Variants in SLC27A5 observed in about 807,000 individuals in gnomAD.
SLC27A5 encodes the protein solute carrier family 27 member 5, also known as long-chain fatty acid transport protein 5.
A neutral mutation model predicts 63.1 loss-of-function variants in SLC27A5; 47 were observed. The observed-to-expected ratio is 0.74, with a 90% CI of 0.59 to 0.95. SLC27A5 has a LOEUF of 0.95. Ranked by LOEUF, SLC27A5 falls within the 40% of genes least tolerant of loss-of-function variation. The probability of loss-of-function intolerance (pLI) is 0.00; values close to 1 mark genes in which losing one functional copy is unlikely to be tolerated. For missense variants in SLC27A5, 940 were observed against 921.0 expected (o/e 1.02, Z -0.27); for synonymous variants, 391 against 403.8 (o/e 0.97, Z 0.38).
rs773365993 is a variant in SLC27A5, at chr19:58,498,473, G to A, written c.*42C>T. The A allele has an allele frequency of 6.4e-7, 1 of 1,564,328 alleles. No homozygotes were observed. Among genetic ancestry groups the A allele is most frequent in the Admixed American group, 1.8e-5 (1 of 56,804 alleles). On this transcript the variant is annotated 3_prime_UTR_variant, in exon 10 of 10. Transcript: ENST00000263093. ...GGACACCGAGTGTGTTGGGGTGGGG[G>A]TGGCTGGCTTTGATCCCTACCCCAG...
intron 3 of SLC27A5, among the ~76,000 whole-genome samples, chr19:58,506,094 CTT>C (rs879519627): frequency 1.0e-4 from 14 of 139,944 alleles, no homozygotes; most frequent in East Asian, 2.1e-4. Context: ...CCATGCCTGG[CTT>C]TTTTTTTTTT....
At chr19:58,508,555 CA>C (rs1456647971) in intron 3 of SLC27A5, 1,772 of 76,986 alleles carry the variant, frequency 0.023, 19 homozygotes, top group African/African-American at 0.066. Context: ...GACTCCATCT[CA>C]AAAAAAAAAA....
intron 2 of SLC27A5, 94 bp downstream of exon 2, chr19:58,510,627 G>T: frequency 9.1e-7 from 1 of 1,096,974 alleles, no homozygotes; most frequent in Non-Finnish European, 1.3e-6. Context: ...GGGTAAAGTG[G>T]TTTCAGAGGT....
Position 58,498,568 on chromosome 19 carries a change from G to A in SLC27A5, c.2020C>T (p.Pro674Ser). Residue 674 changes from proline (P) to serine (S), a missense_variant, in exon 10 of 10, where the codon CCC becomes TCC. Transcript: ENST00000263093. Reference protein sequence around the residue: ...VLDNRAQSFRPLTAEMYQAVC... With the variant: ...VLDNRAQSFRSLTAEMYQAVC... ...GCCTGGTACATTTCTGCCGTCAGGG[G>A]CCGGAAGGACTGGGCCCGGTTGTCC... 1.2e-6 allele frequency: 2 copies of A among 1,614,068 alleles called. No individual in the cohort carries two copies. The highest frequency in any genetic ancestry group is 1.7e-6 in the Non-Finnish European group (2 of 1,180,000).
rs2053411408 is a variant in SLC27A5 at position 58,511,519 on chromosome 19, C to G, written c.437G>C (p.Gly146Ala). 6.4e-7 allele frequency: 1 copy of G among 1,569,866 alleles called. No individual in the cohort carries two copies. Among genetic ancestry groups the G allele is most frequent in the African/African-American group, 1.4e-5 (1 of 74,012 alleles). Reference sequence around the variant, plus strand: ...CTGGCAGGCCCGGGCATCCAGCTCACCAAAGGTGACTGAGCCGGCCCCAGG... The same window carrying G: ...CTGGCAGGCCCGGGCATCCAGCTCAGCAAAGGTGACTGAGCCGGCCCCAGG... ...TGPGAGSVTF[G>A]ELDARACQAA... Residue 146 changes from glycine to alanine, a missense_variant, in exon 1 of 10, where the codon GGT (glycine) becomes GCT (alanine). Gly to Ala is a moderately conservative substitution (Grantham distance 60, BLOSUM62 0). Transcript: ENST00000263093.
At chr19:58,509,762 TG>T in intron 3 of SLC27A5, 84 bp downstream of exon 3, 1 of 1,276,894 alleles carries the variant, frequency 7.8e-7, no homozygotes, top group Non-Finnish European at 1.1e-6. Flanking sequence ...GGGTAACCTA[TG>T]GTGTCTTTTT....
intron 3 of SLC27A5, among the ~76,000 whole-genome samples, chr19:58,502,900 C>G (rs1307800625): frequency 6.6e-6 from 1 of 152,004 alleles, no homozygotes; most frequent in Non-Finnish European, 1.5e-5. Flanking sequence ...CATGCAGAGG[C>G]AGGGGGGTAG....
intron 8 of SLC27A5, 31 bp downstream of exon 8, chr19:58,499,092 G>T: frequency 6.2e-7 from 1 of 1,612,160 alleles, no homozygotes; most frequent in Non-Finnish European, 8.5e-7. Context: ...CCACAAAGCT[G>T]TTGGAAGTTT....
Position 58,499,172 on chromosome 19 carries a change from C to T in SLC27A5, c.1716G>A (p.Ser572=), listed in dbSNP as rs752914079. 4 of 1,614,030 alleles carry T rather than the reference C, an allele frequency of 2.5e-6. No homozygotes were observed. The South Asian group carries it at 4.4e-5, about 18-fold the overall frequency. ...TAACCTGTTGCAAGAAGTCCACCTG[C>T]GACAACACGCCCTCCACCTCGTGCG... ...VSTHEVEGVL[S]QVDFLQQVNV... Residue 572 remains serine, a synonymous_variant, in exon 8 of 10, where the codon TCG becomes TCA. Coordinates refer to ENST00000263093, the MANE Select transcript of SLC27A5 (RefSeq NM_012254.3).
intron 3 of SLC27A5, among the ~76,000 whole-genome samples, chr19:58,503,384 G>A (rs1020800745): frequency 6.6e-6 from 1 of 152,116 alleles, no homozygotes; most frequent in African/African-American, 2.4e-5. Flanking sequence ...AGGGGGCTGG[G>A]CGTGGTGGCT....
At chr19:58,502,553 G>A (rs56207681) in intron 3 of SLC27A5, among the ~76,000 whole-genome samples, 62 of 47,892 alleles carry the variant, frequency 1.3e-3, no homozygotes, top group African/African-American at 1.3e-3. Context: ...GTGAGTGAGT[G>A]GATGGATGGG....
chr19:58,511,639 C>A lies in SLC27A5; in HGVS notation c.317G>T (p.Gly106Val), dbSNP rs776561667. 6.2e-7 allele frequency: 1 copy of A among 1,600,942 alleles called. No individual in the cohort carries two copies. Among genetic ancestry groups the A allele is most frequent in the Admixed American group, 1.7e-5 (1 of 58,910 alleles). ...GTCAGGCGGCTGCCGGCTCAAGCAT[C>A]CCCTGATCTTCAGGCCCAGGTGGAG... ...KILHLGLKIR[G>V]CLSRQPPDTF... Residue 106 changes from glycine (G) to valine (V), a missense_variant, in exon 1 of 10, where the codon GGA becomes GTA. Transcript: ENST00000263093.
intron 7 of SLC27A5, 66 bp from the exon 8 acceptor site, chr19:58,499,286 C>A (rs767303637): frequency 2.0e-6 from 3 of 1,506,270 alleles, no homozygotes; most frequent in Admixed American, 1.9e-5. Flanking sequence ...CTCTTGCCCC[C>A]GCCCCGCCCC....
In SLC27A5 at chr19:58,500,372, C is replaced by T. The variant is rs183486700; in HGVS notation, c.1435G>A (p.Asp479Asn). The T allele has an allele frequency of 5.6e-6, 9 of 1,613,650 alleles. No individual in the cohort carries two copies. The highest frequency in any genetic ancestry group is 7.6e-6 in the Non-Finnish European group (9 of 1,180,006). ...FDMEAAEPVR[D>N]NQGFCIPVGL... ...ACAGGGATGCAGAAGCCCTGATTGT[C>T]CCTCACAGGCTCCGCCGCCTCCATG... The change falls in exon 6 of 10, where the codon GAC becomes AAC. Residue 479 changes from aspartate to asparagine, a missense_variant. By Grantham distance (23) the Asp-to-Asn change is conservative (BLOSUM62 1). Transcript: ENST00000263093.
chr19:58,499,096 G>C, intron 8 of SLC27A5, 27 bp downstream of exon 8: 3 of 1,612,968 alleles, frequency 1.9e-6, no homozygotes, highest in Non-Finnish European at 2.5e-6. Context: ...AAAGCTGTTG[G>C]AAGTTTAAAA....
intron 1 of SLC27A5, 108 bp downstream of exon 1, chr19:58,511,159 GA>G: frequency 8.4e-7 from 1 of 1,192,370 alleles, no homozygotes; most frequent in East Asian, 2.5e-5. Context: ...AATTGCCTGT[GA>G]AAGTAGGCAG....
intron 8 of SLC27A5, 84 bp from the exon 9 acceptor site, chr19:58,498,999 G>A: frequency 1.9e-6 from 3 of 1,589,748 alleles, no homozygotes; most frequent in South Asian, 2.3e-5. Context: ...TCTGCTCACT[G>A]GCTGTGAGAG....
chr19:58,511,024 G>A, intron 1 of SLC27A5, 94 bp from the exon 2 acceptor site: 1 of 1,078,984 alleles, frequency 9.3e-7, no homozygotes, highest in South Asian at 1.7e-5. Context: ...CAGAGGAGCA[G>A]CTAGTAGAGA....
intron 3 of SLC27A5, among the ~76,000 whole-genome samples, chr19:58,506,058 G>A (rs1260278897): frequency 6.6e-6 from 1 of 151,768 alleles, no homozygotes; most frequent in Non-Finnish European, 1.5e-5. Context: ...GGCTGAGGCA[G>A]GAGAATCGCT....
Sources: allele counts gnomAD v4.1 joint callset (sites outside exome capture counted in the v4.1 genomes callset), GRCh38; gene constraint gnomAD v4.1.1; transcripts MANE v1.5; gene names NCBI Gene and HGNC (gene_info 2026-07-23, HGNC 2026-07-21).